NKAIN2: variants seen among roughly 807,000 people sequenced by gnomAD.
NKAIN2 encodes the protein sodium/potassium-transporting ATPase subunit beta-1-interacting protein 2.
A neutral mutation model predicts 32.6 loss-of-function variants in NKAIN2; 14 were observed. That is an observed-to-expected ratio of 0.43 (90% CI 0.28 to 0.67). NKAIN2 has a LOEUF of 0.67. NKAIN2 is among the 30% of genes least tolerant of loss of function. The pLI, the probability that NKAIN2 is intolerant of heterozygous loss-of-function variation, is 0.17. For synonymous variants in NKAIN2, 80 were observed against 87.2 expected, an observed-to-expected ratio of 0.92 and a Z score of 0.46; for missense variants, 198 against 258.3, an observed-to-expected ratio of 0.77 and a Z score of 1.60.
intron 1 of NKAIN2, among the ~76,000 whole-genome samples, chr6:124,260,315 G>C (rs974781670): frequency 2.0e-5 from 3 of 152,184 alleles, no homozygotes; most frequent in African/African-American, 7.2e-5. Flanking sequence ...TAGTGTGTTA[G>C]AGGGTGTTAA....
intron 1 of NKAIN2, among the ~76,000 whole-genome samples, chr6:124,055,027 T>G (rs996806257): frequency 4.6e-5 from 7 of 152,100 alleles, no homozygotes; most frequent in African/African-American, 1.7e-4. Context: ...AATGAATAAT[T>G]TACATATTTG....
chr6:124,141,543 T>C (rs1787139353), intron 1 of NKAIN2, among the ~76,000 whole-genome samples: 1 of 152,072 alleles, frequency 6.6e-6, no homozygotes, highest in Non-Finnish European at 1.5e-5. Context: ...TAAAATTCAA[T>C]CAATTTAGGA....
intron 1 of NKAIN2, among the ~76,000 whole-genome samples, chr6:123,917,063 A>G (rs1214358707): frequency 6.6e-6 from 1 of 152,104 alleles, no homozygotes; most frequent in East Asian, 1.9e-4. Flanking sequence ...CACCACCATA[A>G]ATTAGAACAT....
At chr6:123,828,597 G>T (rs1381601921) in intron 1 of NKAIN2, among the ~76,000 whole-genome samples, 1 of 152,022 alleles carries the variant, frequency 6.6e-6, no homozygotes, top group Non-Finnish European at 1.5e-5. Flanking sequence ...TCTTGTTATT[G>T]AAGATAGAGG....
chr6:124,449,941 T>G (rs540587037), intron 3 of NKAIN2, among the ~76,000 whole-genome samples: 2 of 152,084 alleles, frequency 1.3e-5, no homozygotes, highest in Non-Finnish European at 2.9e-5. Context: ...TTGGTTTATT[T>G]TTTGTCCAGG....
chr6:124,021,391 GAT>G (rs1241924272), intron 1 of NKAIN2, among the ~76,000 whole-genome samples: 3 of 151,802 alleles, frequency 2.0e-5, no homozygotes, highest in Admixed American at 2.0e-4. Flanking sequence ...AATAAATTAA[GAT>G]TATTTAATTT....
At chr6:124,543,598 C>G (rs1474794279) in intron 3 of NKAIN2, among the ~76,000 whole-genome samples, 1 of 152,036 alleles carries the variant, frequency 6.6e-6, no homozygotes. Flanking sequence ...CACACCACAA[C>G]ACAAAAGATG....
chr6:123,983,353 C>T (rs1230107529), intron 1 of NKAIN2, among the ~76,000 whole-genome samples: 2 of 152,082 alleles, frequency 1.3e-5, no homozygotes, highest in East Asian at 3.9e-4. Flanking sequence ...GGCCTTGGGT[C>T]AGATGTGTTA....
intron 1 of NKAIN2, among the ~76,000 whole-genome samples, chr6:124,161,301 G>C (rs1490136563): frequency 6.6e-6 from 1 of 151,982 alleles, no homozygotes; most frequent in Non-Finnish European, 1.5e-5. Context: ...TGAACAACCA[G>C]AGCTCATGAG....
At chr6:124,821,213 G>A (rs1321170717) in intron 6 of NKAIN2, among the ~76,000 whole-genome samples, 2 of 151,674 alleles carry the variant, frequency 1.3e-5, no homozygotes, top group Non-Finnish European at 2.9e-5. Context: ...GAGAATCTCT[G>A]GAACCTGGGA....
intron 5 of NKAIN2, among the ~76,000 whole-genome samples, chr6:124,801,019 C>T (rs1307634177): frequency 1.3e-5 from 2 of 152,148 alleles, no homozygotes; most frequent in Non-Finnish European, 2.9e-5. Flanking sequence ...GTCACACATC[C>T]ATACACCTTC....
chr6:124,449,311 T>C (rs1776010773), intron 3 of NKAIN2, among the ~76,000 whole-genome samples: 1 of 152,020 alleles, frequency 6.6e-6, no homozygotes, highest in Non-Finnish European at 1.5e-5. Flanking sequence ...GAAAGAACTA[T>C]TGGAGACATA....
intron 4 of NKAIN2, among the ~76,000 whole-genome samples, chr6:124,727,166 A>G (rs1359740624): frequency 6.6e-6 from 1 of 151,436 alleles, no homozygotes; most frequent in Non-Finnish European, 1.5e-5. Context: ...TCCCCAATCT[A>G]GCAAGGCAGG....
At chr6:124,491,723 G>GGTAA (rs1331948365) in intron 3 of NKAIN2, among the ~76,000 whole-genome samples, 3 of 151,824 alleles carry the variant, frequency 2.0e-5, no homozygotes, top group Non-Finnish European at 4.4e-5. Context: ...CAAATTGCTA[G>GGTAA]GTAAGTTGAT....
chr6:124,500,076 T>C (rs1778225749), intron 3 of NKAIN2, among the ~76,000 whole-genome samples: 1 of 152,226 alleles, frequency 6.6e-6, no homozygotes, highest in African/African-American at 2.4e-5. Flanking sequence ...AAACCAAATA[T>C]ACTGTAGCCT....
At chr6:124,721,791 G>A (rs1562345034) in intron 4 of NKAIN2, among the ~76,000 whole-genome samples, 3 of 152,074 alleles carry the variant, frequency 2.0e-5, no homozygotes, top group Non-Finnish European at 4.4e-5. Flanking sequence ...AATGGCCCCA[G>A]CAGCAGCTAT....
At chr6:124,051,180 A>G (rs1354957368) in intron 1 of NKAIN2, among the ~76,000 whole-genome samples, 2 of 152,064 alleles carry the variant, frequency 1.3e-5, no homozygotes, top group African/African-American at 2.4e-5. Context: ...TGAACTTTAT[A>G]GACATTTTTT....
At chr6:123,976,856 T>C (rs955664584) in intron 1 of NKAIN2, among the ~76,000 whole-genome samples, 3 of 152,218 alleles carry the variant, frequency 2.0e-5, no homozygotes, top group African/African-American at 7.2e-5. Context: ...CATTTCAGTG[T>C]CATTACCAGT....
intron 2 of NKAIN2, among the ~76,000 whole-genome samples, chr6:124,347,796 C>T (rs563307373): frequency 9.9e-4 from 150 of 152,158 alleles, no homozygotes; most frequent in Middle Eastern, 3.2e-3. Flanking sequence ...TCCTGTAGCT[C>T]GGAGCAGTTT....
Sources: allele counts gnomAD v4.1 joint callset (sites outside exome capture counted in the v4.1 genomes callset), GRCh38; gene constraint gnomAD v4.1.1; transcripts MANE v1.5; gene names NCBI Gene and HGNC (gene_info 2026-07-23, HGNC 2026-07-21).